Variants in RTN1 observed in about 807,000 individuals in gnomAD.
The protein encoded by RTN1 is reticulon-1.
Under a neutral mutation model 65.5 loss-of-function variants are expected in RTN1, and 25 were observed. That is an observed-to-expected ratio of 0.38 (90% CI 0.28 to 0.53). The LOEUF (loss-of-function observed/expected upper bound fraction) is 0.53, where lower values mean the gene tolerates loss of function less well. RTN1 is among the 20% of genes least tolerant of loss of function. RTN1 has a pLI of 0.79. For missense variants in RTN1, 983 were observed against 1,025.4 expected (o/e 0.96, Z 0.57); for synonymous variants, 471 against 447.6 (o/e 1.05, Z -0.66).
chr14:59,748,210 GT>G lies in RTN1; in HGVS notation c.242-1730del, dbSNP rs67657505. 3.9e-3 allele frequency among the ~76,000 whole-genome samples: 493 copies of G among 125,968 alleles called. 2 individuals carry two copies. Among genetic ancestry groups the G allele is most frequent in the East Asian group, 0.011 (46 of 4,296 alleles). 82.6% of individuals were successfully genotyped at this position (125,968 alleles called of 152,430 possible). A position where few individuals can be genotyped will look rare whatever the true frequency, so the allele number is the denominator to read the frequency against. ...TGCCCCGATTAAGTCAGTCTGTGAGGTTTTTTTTTTTTTTTTTTCCGGGAAT... is the reference window on the plus strand; with the variant it reads ...TGCCCCGATTAAGTCAGTCTGTGAGGTTTTTTTTTTTTTTTTTCCGGGAAT... On this transcript the variant is annotated intron_variant, in intron 1 of 8. Coordinates refer to ENST00000267484, the MANE Select transcript of RTN1 (RefSeq NM_021136.3).
intron 3 of RTN1, among the ~76,000 whole-genome samples, chr14:59,652,060 A>G (rs1485087189): frequency 1.3e-5 from 2 of 152,230 alleles, no homozygotes; most frequent in African/African-American, 4.8e-5. Flanking sequence ...AGATACAGTC[A>G]ACAAGCATAT....
intron 3 of RTN1, among the ~76,000 whole-genome samples, chr14:59,627,056 G>A (rs1192923422): frequency 6.6e-6 from 1 of 152,216 alleles, no homozygotes; most frequent in African/African-American, 2.4e-5. Flanking sequence ...TTGAAGCCAA[G>A]AGAATCACCT....
At chr14:59,714,963 C>T (rs992970982) in intron 3 of RTN1, among the ~76,000 whole-genome samples, 1 of 152,170 alleles carries the variant, frequency 6.6e-6, no homozygotes, top group Admixed American at 6.6e-5. Context: ...GTAAACTGCA[C>T]AAGCAAGGGA....
At chr14:59,753,977 C>T (rs1008709531) in intron 1 of RTN1, among the ~76,000 whole-genome samples, 3 of 152,184 alleles carry the variant, frequency 2.0e-5, no homozygotes, top group African/African-American at 4.8e-5. Context: ...GCTGTGTTAA[C>T]CTACAGATGC....
intron 4 of RTN1, 190 bp from the exon 5 acceptor site, chr14:59,605,696 C>G (rs1881721598): frequency 1.9e-6 from 1 of 532,268 alleles, no homozygotes; most frequent in African/African-American, 1.9e-5. Context: ...ACTGAGAACA[C>G]AGAAAGCATG....
intron 2 of RTN1, among the ~76,000 whole-genome samples, chr14:59,745,295 T>C (rs1053522886): frequency 6.6e-6 from 1 of 152,172 alleles, no homozygotes; most frequent in Non-Finnish European, 1.5e-5. Context: ...TTACCCTGTG[T>C]CAGGTATTCT....
At chr14:59,864,664 T>TAATGCTCTCTTGCTAA (rs1887767746) in intron 1 of RTN1, among the ~76,000 whole-genome samples, 1 of 152,144 alleles carries the variant, frequency 6.6e-6, no homozygotes, top group Admixed American at 6.5e-5. Context: ...TAAATAGTAG[T>TAATGCTCTCTTGCTAA]ATAATCATAA....
chr14:59,632,859 G>T (rs1031787726), intron 3 of RTN1, among the ~76,000 whole-genome samples: 1 of 152,142 alleles, frequency 6.6e-6, no homozygotes, highest in Non-Finnish European at 1.5e-5. Flanking sequence ...ATTTTGGAAG[G>T]CCGAGGTGAG....
chr14:59,782,487 C>G (rs7142761), intron 1 of RTN1, among the ~76,000 whole-genome samples: 27,370 of 152,182 alleles, frequency 0.18, 2,982 homozygotes, highest in African/African-American at 0.3. Flanking sequence ...AGATAGTGCA[C>G]TTTTCCCCTG....
intron 1 of RTN1, among the ~76,000 whole-genome samples, chr14:59,778,350 G>A (rs1163514216): frequency 6.6e-6 from 1 of 152,098 alleles, no homozygotes; most frequent in Non-Finnish European, 1.5e-5. Flanking sequence ...TTAATGAATG[G>A]CTTTTGTTAA....
At chr14:59,806,238 A>AAAT (rs1039115379) in intron 1 of RTN1, among the ~76,000 whole-genome samples, 10 of 151,028 alleles carry the variant, frequency 6.6e-5, no homozygotes, top group Admixed American at 3.3e-4. Context: ...CCTTCTCAAA[A>AAAT]AATAATAATA....
chr14:59,619,137 A>G (rs2140174900), intron 3 of RTN1, among the ~76,000 whole-genome samples: 1 of 152,376 alleles, frequency 6.6e-6, no homozygotes, highest in East Asian at 1.9e-4. Flanking sequence ...ACAAAGGATT[A>G]GTTGACAAGA....
intron 2 of RTN1, among the ~76,000 whole-genome samples, chr14:59,728,506 G>C (rs1884831935): frequency 6.6e-6 from 1 of 152,044 alleles, no homozygotes; most frequent in African/African-American, 2.4e-5. Flanking sequence ...ATGGCCTAAA[G>C]GCTACACTGG....
chr14:59,813,805 T>C (rs1287753108), intron 1 of RTN1, among the ~76,000 whole-genome samples: 1 of 152,192 alleles, frequency 6.6e-6, no homozygotes. Flanking sequence ...ATTTCCAAGA[T>C]ATTATTAGAA....
intron 3 of RTN1, among the ~76,000 whole-genome samples, chr14:59,689,704 A>G (rs1366101194): frequency 2.0e-5 from 3 of 152,188 alleles, no homozygotes; most frequent in Non-Finnish European, 2.9e-5. Context: ...TATCCCACCA[A>G]ACTAAGCTTC....
chr14:59,671,794 G>C (rs1272524269), intron 3 of RTN1, among the ~76,000 whole-genome samples: 1 of 152,228 alleles, frequency 6.6e-6, no homozygotes, highest in Non-Finnish European at 1.5e-5. Context: ...ACAGCTCTAA[G>C]CTTCCCCCAT....
intron 3 of RTN1, among the ~76,000 whole-genome samples, chr14:59,684,065 A>G (rs1883797805): frequency 6.6e-6 from 1 of 152,102 alleles, no homozygotes; most frequent in Non-Finnish European, 1.5e-5. Context: ...TCTGTTTGCA[A>G]TGTTATAATC....
At chr14:59,800,967 A>G (rs1886535488) in intron 1 of RTN1, among the ~76,000 whole-genome samples, 2 of 152,138 alleles carry the variant, frequency 1.3e-5, no homozygotes, top group African/African-American at 2.4e-5. Flanking sequence ...TCCTTCAAAA[A>G]GCTCATCAGC....
intron 1 of RTN1, among the ~76,000 whole-genome samples, chr14:59,820,258 T>C (rs1886917150): frequency 6.6e-6 from 1 of 151,948 alleles, no homozygotes; most frequent in Admixed American, 6.6e-5. Flanking sequence ...TGCTTGTTGA[T>C]TTGTTTATGC....
Sources: gnomAD v4.1 joint callset for allele counts (sites outside exome capture counted in the v4.1 genomes callset) on GRCh38, gnomAD v4.1.1 for gene constraint, MANE v1.5 for transcripts, NCBI Gene and HGNC (gene_info 2026-07-23, HGNC 2026-07-21) for gene names.